Variants in PPP1R9A observed in about 807,000 individuals in gnomAD.
PPP1R9A encodes neurabin-1.
A neutral mutation model predicts 141.9 loss-of-function variants in PPP1R9A; 59 were observed. The observed-to-expected ratio is 0.42, with a 90% CI of 0.34 to 0.52. PPP1R9A has a LOEUF of 0.52. PPP1R9A is among the 20% of genes least tolerant of loss of function. The pLI is 0.10. For missense variants in PPP1R9A, 1,444 were observed against 1,611.9 expected, an observed-to-expected ratio of 0.90 and a Z score of 1.78; for synonymous variants, 500 against 569.7, an observed-to-expected ratio of 0.88 and a Z score of 1.74.
intron 16 of PPP1R9A, among the ~76,000 whole-genome samples, chr7:95,279,922 C>T (rs1488754428): frequency 2.0e-5 from 3 of 152,056 alleles, no homozygotes; most frequent in Admixed American, 2.0e-4. Context: ...ATTTTAAACC[C>T]CTCCAGTATG....
At chr7:95,193,701 C>A (rs1254113667) in intron 5 of PPP1R9A, among the ~76,000 whole-genome samples, 2 of 151,918 alleles carry the variant, frequency 1.3e-5, no homozygotes, top group Non-Finnish European at 2.9e-5. Context: ...CTGTTATAAT[C>A]TGAACTATTT....
At chr7:95,019,802 T>C (rs1805641646) in intron 2 of PPP1R9A, among the ~76,000 whole-genome samples, 1 of 137,910 alleles carries the variant, frequency 7.3e-6, no homozygotes, top group Non-Finnish European at 1.6e-5. Flanking sequence ...TGGCAATTGC[T>C]TGAAGCATTA....
chr7:95,265,042 A>G (rs1390510571), intron 12 of PPP1R9A, among the ~76,000 whole-genome samples: 1 of 152,164 alleles, frequency 6.6e-6, no homozygotes, highest in Non-Finnish European at 1.5e-5. Context: ...CCCCTGCCAC[A>G]CTGCCATCCA....
chr7:95,124,662 A>G (rs1823241368), intron 4 of PPP1R9A, among the ~76,000 whole-genome samples: 1 of 151,884 alleles, frequency 6.6e-6, no homozygotes. Flanking sequence ...CCTTGAAAGG[A>G]TAAGATTCTG....
chr7:95,143,983 A>G (rs993541654), intron 4 of PPP1R9A, among the ~76,000 whole-genome samples: 3 of 152,126 alleles, frequency 2.0e-5, no homozygotes, highest in Non-Finnish European at 4.4e-5. Context: ...ATCAGCTCAC[A>G]TAGTTAATTT....
intron 2 of PPP1R9A, among the ~76,000 whole-genome samples, chr7:95,030,831 G>A (rs1179947380): frequency 2.0e-5 from 3 of 152,152 alleles, no homozygotes; most frequent in Non-Finnish European, 4.4e-5. Flanking sequence ...TTTACCCAAG[G>A]GTGATATTCC....
intron 2 of PPP1R9A, among the ~76,000 whole-genome samples, chr7:94,995,369 G>C (rs1264471200): frequency 6.6e-6 from 1 of 151,760 alleles, no homozygotes; most frequent in African/African-American, 2.4e-5. Flanking sequence ...GAAAAATTTG[G>C]CCATTTTTTC....
chr7:95,137,506 AAAATC>A (rs1278741190), intron 4 of PPP1R9A, among the ~76,000 whole-genome samples: 1 of 152,078 alleles, frequency 6.6e-6, no homozygotes, highest in Non-Finnish European at 1.5e-5. Context: ...TTGCTGGAAA[AAAATC>A]AAGTCCTGTT....
chr7:95,147,754 CAT>C (rs1827903313), intron 4 of PPP1R9A, among the ~76,000 whole-genome samples: 2 of 152,092 alleles, frequency 1.3e-5, no homozygotes, highest in Non-Finnish European at 2.9e-5. Flanking sequence ...TTGAGATAAT[CAT>C]GTGGTTTTTG....
chr7:95,053,338 G>A (rs183864619), intron 2 of PPP1R9A, among the ~76,000 whole-genome samples: 2 of 152,178 alleles, frequency 1.3e-5, no homozygotes, highest in Admixed American at 1.3e-4. Context: ...AAAGCAGAGG[G>A]AACAGGGAAT....
intron 4 of PPP1R9A, among the ~76,000 whole-genome samples, chr7:95,145,191 T>C (rs909414501): frequency 2.0e-5 from 3 of 152,178 alleles, no homozygotes; most frequent in Non-Finnish European, 4.4e-5. Flanking sequence ...ACATTTCAAG[T>C]ATTCAGGGAA....
chr7:95,138,164 C>T (rs1826018658), intron 4 of PPP1R9A, among the ~76,000 whole-genome samples: 2 of 152,020 alleles, frequency 1.3e-5, no homozygotes, highest in Non-Finnish European at 2.9e-5. Flanking sequence ...GATCTCCTGA[C>T]CTCGTGATCC....
At chr7:95,221,842 T>C (rs1423939134) in intron 7 of PPP1R9A, among the ~76,000 whole-genome samples, 1 of 152,092 alleles carries the variant, frequency 6.6e-6, no homozygotes, top group African/African-American at 2.4e-5. Flanking sequence ...GGTTGTAGTT[T>C]ATACAAGAGT....
At chr7:94,926,146 C>G (rs62467330) in intron 2 of PPP1R9A, among the ~76,000 whole-genome samples, 14,252 of 152,132 alleles carry the variant, frequency 0.094, 747 homozygotes, top group Non-Finnish European at 0.12. Flanking sequence ...ATGTATAATG[C>G]TTGTATGATT....
At position 95,082,766 on chromosome 7, in the gene PPP1R9A, CTTTTTTTTTTT is replaced by C. The variant is rs1159814204; in HGVS notation, c.1396-28480_1396-28470del. On this transcript the variant is annotated intron_variant, in intron 2 of 19. Transcript: ENST00000433360. ...AAAAAGTGTAGGGTGGAAGGGATTT[CTTTTTTTTTTT>C]TTTTTTTTTTTTGAGACGGAGTCTT... Among the ~76,000 whole-genome samples the C allele has an allele frequency of 7.3e-5, 8 of 109,520 alleles. No individual in the cohort carries two copies. The East Asian group carries it at 2.3e-3, about 32-fold the overall frequency. 71.8% of individuals were successfully genotyped at this position (109,520 alleles called of 152,430 possible). A position where few individuals can be genotyped will look rare whatever the true frequency, so the allele number is the denominator to read the frequency against.
Position 95,020,819 on chromosome 7 carries a change from G to C in PPP1R9A, c.1396-90440G>C, listed in dbSNP as rs150331864. On this transcript the variant is annotated intron_variant, in intron 2 of 19. Transcript: ENST00000433360. The stretch of plus-strand genomic sequence containing the variant: ...TTCAAATAACATGAACTCAGCCATA[G>C]CTGCATAGTATTCCGTGGTGTATAT... Among the ~76,000 whole-genome samples the C allele has an allele frequency of 2.0e-4, 31 of 152,324 alleles. No homozygotes were observed. The East Asian group carries it at 5.6e-3, about 27-fold the overall frequency.
rs114679305 is a variant in PPP1R9A, at chr7:94,930,587, G to A, written c.1395+19079G>A. On this transcript the variant is annotated intron_variant, in intron 2 of 19. Coordinates refer to ENST00000433360, the MANE Select transcript of PPP1R9A (RefSeq NM_001166160.2). Reference sequence around the variant, plus strand: ...CTCCTGACCTCAAGTGATTTTGCCCGCCTCGGCCTCCTAAAGTGCTGGGAT... The same window carrying A: ...CTCCTGACCTCAAGTGATTTTGCCCACCTCGGCCTCCTAAAGTGCTGGGAT... Among the ~76,000 whole-genome samples the A allele has an allele frequency of 4.5e-3, 681 of 152,170 alleles. 4 individuals carry two copies. The highest frequency in any genetic ancestry group is 0.015 in the African/African-American group (640 of 41,530).
intron 5 of PPP1R9A, among the ~76,000 whole-genome samples, chr7:95,172,689 G>A (rs948335107): frequency 6.6e-6 from 1 of 151,812 alleles, no homozygotes; most frequent in Non-Finnish European, 1.5e-5. Context: ...ATTCAATATT[G>A]TTAAGATTTC....
At chr7:95,236,275 T>A (rs2091462) in intron 8 of PPP1R9A, among the ~76,000 whole-genome samples, 85,262 of 151,902 alleles carry the variant, frequency 0.56, 24,057 homozygotes, top group South Asian at 0.62. Context: ...GATAGAAAGT[T>A]CCGTTCCTGG....
Sources: allele counts gnomAD v4.1 joint callset (sites outside exome capture counted in the v4.1 genomes callset), GRCh38; gene constraint gnomAD v4.1.1; transcripts MANE v1.5; gene names NCBI Gene and HGNC (gene_info 2026-07-23, HGNC 2026-07-21).